LSM14B: variants seen among roughly 807,000 people sequenced by gnomAD.
LSM14B encodes the protein protein LSM14 homolog B.
LSM14B carries 8 observed loss-of-function variants against 42.1 expected under a neutral mutation model. The observed-to-expected ratio is 0.19, with a 90% CI of 0.11 to 0.34. The LOEUF (loss-of-function observed/expected upper bound fraction) is 0.34. LSM14B is among the 10% of genes least tolerant of loss of function. The pLI is 1.00. For synonymous variants in LSM14B, 219 were observed against 209.7 expected (o/e 1.04, Z -0.38); for missense variants, 396 against 513.1 (o/e 0.77, Z 2.21).
At chr20:62,127,845 T>A in intron 3 of LSM14B, 1 of 728,666 alleles carries the variant, frequency 1.4e-6, no homozygotes, top group South Asian at 1.5e-5. Flanking sequence ...TGCTTCAGCA[T>A]GTAGTCCTGA....
Position 62,122,571 on chromosome 20 carries a change from C to A in LSM14B, c.-96C>A. The A allele has an allele frequency of 1.1e-6, 1 of 895,384 alleles. No individual in the cohort carries two copies. 55.5% of individuals were successfully genotyped at this position (895,384 alleles called of 1,614,324 possible). A position where few individuals can be genotyped will look rare whatever the true frequency, so the allele number is the denominator to read the frequency against. On this transcript the variant is annotated 5_prime_UTR_variant, in exon 1 of 9. Coordinates refer to ENST00000279068, the MANE Select transcript of LSM14B (RefSeq NM_144703.3). The surrounding 1 kb of genome is among the most constrained non-coding windows in gnomAD (Gnocchi z 4.6). ...GCGGAGGCGGCGGCGGGCGGAGGAGCGCAGGAGCGGGCGGCCAGGCCACCG... is the reference window on the plus strand; with the variant it reads ...GCGGAGGCGGCGGCGGGCGGAGGAGAGCAGGAGCGGGCGGCCAGGCCACCG...
chr20:62,124,771 C>T lies in LSM14B; in HGVS notation c.282C>T (p.Ala94=). The T allele has an allele frequency of 6.2e-7, 1 of 1,612,660 alleles. No homozygotes were observed. Among genetic ancestry groups the T allele is most frequent in the Non-Finnish European group, 8.5e-7 (1 of 1,179,238 alleles). ...AGCACACACTCCCGCAGGATCCCGC[C>T]ATTGTTCAGGTAAGTGTGCCACTGT... The part of the protein sequence containing the change: ...KAQHTLPQDP[A]IVQSSLGSAS... Residue 94 remains alanine (A), a synonymous_variant, in exon 2 of 9, where the codon GCC becomes GCT. Transcript: ENST00000279068.
intron 3 of LSM14B, chr20:62,128,880 A>G (rs2056682178): frequency 9.0e-7 from 1 of 1,109,116 alleles, no homozygotes; most frequent in Non-Finnish European, 1.2e-6. Context: ...CCCAGTCTTC[A>G]TGTGTATTGG....
At chr20:62,127,343 C>G (rs749484507) in intron 3 of LSM14B, among the ~76,000 whole-genome samples, 3 of 152,212 alleles carry the variant, frequency 2.0e-5, no homozygotes, top group Non-Finnish European at 2.9e-5. Flanking sequence ...AGTAGTGAGA[C>G]AGGGAACCCT....
intron 1 of LSM14B, 110 bp from the exon 2 acceptor site, chr20:62,124,507 G>C: frequency 8.5e-7 from 1 of 1,176,174 alleles, no homozygotes; most frequent in Non-Finnish European, 1.2e-6. Context: ...GTGCTGTGTT[G>C]TGGCTCTGAG....
At chr20:62,132,669 GTC>G (rs2145641577) in intron 7 of LSM14B, among the ~76,000 whole-genome samples, 1 of 152,346 alleles carries the variant, frequency 6.6e-6, no homozygotes, top group African/African-American at 2.4e-5. Context: ...GAACACGGAA[GTC>G]TGTGGGAGCA....
chr20:62,124,567 A>G, intron 1 of LSM14B, 50 bp from the exon 2 acceptor site: 1 of 1,586,476 alleles, frequency 6.3e-7, no homozygotes, highest in Non-Finnish European at 8.6e-7. Context: ...GTCAGGGTTG[A>G]TTGAACTGGC....
Position 62,131,484 on chromosome 20 carries a change from A to G in LSM14B, c.964A>G (p.Ile322Val), listed in dbSNP as rs1456998899. 1 of 1,613,662 alleles carries G rather than the reference A, an allele frequency of 6.2e-7. No homozygotes were observed. Residue 322 changes from isoleucine to valine, a missense_variant, in exon 7 of 9, where the codon ATC (isoleucine) becomes GTC (valine). By Grantham distance (29) the Ile-to-Val change is conservative. Transcript: ENST00000279068. ...YDKSKSFFDN[I>V]SSELKTSSRR... ...CAAATCCAAGTCGTTCTTCGACAAC[A>G]TCTCTTCTGAACTCAAGACCAGGTG...
At chr20:62,131,633 G>A (rs963216820) in intron 7 of LSM14B, 127 bp downstream of exon 7, 53 of 1,202,936 alleles carry the variant, frequency 4.4e-5, no homozygotes, top group Middle Eastern at 2.2e-4. Flanking sequence ...TCCTGCTTGC[G>A]TTTCTGCATG....
In LSM14B at chr20:62,129,838, G is replaced by A; in HGVS notation, c.481G>A (p.Val161Met). 1 of 1,612,180 alleles carries A rather than the reference G, an allele frequency of 6.2e-7. No homozygotes were observed. The highest frequency in any genetic ancestry group is 8.5e-7 in the Non-Finnish European group (1 of 1,179,172). Reference sequence around the variant, plus strand: ...CAAGAGCCCCATGGTGGAGCAGGCTGTGCAGACTGGTTCTGCTGACAACCT... The same window carrying A: ...CAAGAGCCCCATGGTGGAGCAGGCTATGCAGACTGGTTCTGCTGACAACCT... ...VGKSPMVEQA[V>M]QTGSADNLNA... is the part of the protein sequence containing the mutation. The change falls in exon 4 of 9, where the codon GTG (valine) becomes ATG (methionine). Residue 161 changes from valine (V) to methionine (M), a missense_variant. Transcript: ENST00000279068.
In LSM14B at chr20:62,126,308, C is replaced by T. The variant is rs1358506729; in HGVS notation, c.296C>T (p.Ser99Phe). 6.2e-7 allele frequency: 1 copy of T among 1,613,958 alleles called. No homozygotes were observed. Reference sequence around the variant, plus strand: ...ACCCGATGTCTCGTTGTTCAGTCTTCCCTGGGTTCTGCCTCCGCCTCGCCC... The same window carrying T: ...ACCCGATGTCTCGTTGTTCAGTCTTTCCTGGGTTCTGCCTCCGCCTCGCCC... ...LPQDPAIVQS[S>F]LGSASASPFQ... The change falls in exon 3 of 9, where the codon TCC (serine) becomes TTC (phenylalanine). Residue 99 changes from serine to phenylalanine, a missense_variant. This residue lies in a region of LSM14B where 274 missense variants were observed against 335.8 expected (regional missense o/e 0.82). Coordinates refer to ENST00000279068, the MANE Select transcript of LSM14B (RefSeq NM_144703.3).
At position 62,122,704 on chromosome 20, in the gene LSM14B, AG is replaced by A; in HGVS notation, c.39del (p.Ile14SerfsTer30). 1 of 1,509,142 alleles carries A rather than the reference AG, an allele frequency of 6.6e-7. No homozygotes were observed. Among genetic ancestry groups the A allele is most frequent in the Non-Finnish European group, 8.9e-7 (1 of 1,122,174 alleles). 93.5% of individuals were successfully genotyped at this position (1,509,142 alleles called of 1,614,324 possible). On this transcript the variant is annotated frameshift_variant, in exon 1 of 9. Coordinates refer to ENST00000279068, the MANE Select transcript of LSM14B (RefSeq NM_144703.3). LOFTEE classifies it high-confidence loss of function. This position sits in a 1 kb window ranked among gnomAD's most constrained non-coding sequence, Gnocchi z 4.6. Reference sequence around the variant, plus strand: ...TCAGGCACCCCGTATCTGGGCAGCAAGATCAGCCTCATCTCCAAGGCGCAGA... The same window carrying A: ...TCAGGCACCCCGTATCTGGGCAGCAAATCAGCCTCATCTCCAAGGCGCAGA... ...GSSGTPYLGS[K>X]ISLISKAQIR...
chr20:62,133,442 C>A lies in LSM14B; in HGVS notation c.1139C>A (p.Ala380Asp). 2 of 1,612,860 alleles carry A rather than the reference C, an allele frequency of 1.2e-6. No individual in the cohort carries two copies. The highest frequency in any genetic ancestry group is 2.2e-5 in the South Asian group (2 of 91,062). Residue 380 changes from alanine to aspartate, a missense_variant, in exon 8 of 9, where the codon GCC (alanine) becomes GAC (aspartate). Ala to Asp is a moderately radical substitution (Grantham distance 126). Transcript: ENST00000279068. ...CGTCGCAACCCCACTTCCCACAGGGCCGGGACTGGCAGGGTGTGAGGGTGC... is the reference window on the plus strand; with the variant it reads ...CGTCGCAACCCCACTTCCCACAGGGACGGGACTGGCAGGGTGTGAGGGTGC... ...TTRRNPTSHR[A>D]GTGRV
intron 3 of LSM14B, among the ~76,000 whole-genome samples, chr20:62,127,021 G>T (rs2056627912): frequency 3.3e-5 from 5 of 152,148 alleles, no homozygotes; most frequent in African/African-American, 1.2e-4. Context: ...TGGAAGTCCT[G>T]GTATATCTGC....
chr20:62,134,448 G>T lies in LSM14B; in HGVS notation c.*300G>T. ...GGTATTTTGCAAAAAGGTTTCTATAGTGAAAGCTGAATCCTTACTTTGTGA... is the reference window on the plus strand; with the variant it reads ...GGTATTTTGCAAAAAGGTTTCTATATTGAAAGCTGAATCCTTACTTTGTGA... On this transcript the variant is annotated 3_prime_UTR_variant, in exon 9 of 9. Coordinates refer to ENST00000279068, the MANE Select transcript of LSM14B (RefSeq NM_144703.3). 3 of 279,560 alleles carry T rather than the reference G, an allele frequency of 1.1e-5. No individual in the cohort carries two copies. The highest frequency in any genetic ancestry group is 3.1e-5 in the South Asian group (1 of 32,496). 17.3% of individuals were successfully genotyped at this position (279,560 alleles called of 1,614,324 possible).
intron 3 of LSM14B, chr20:62,127,676 A>C: frequency 6.4e-7 from 1 of 1,550,984 alleles, no homozygotes; most frequent in Non-Finnish European, 8.7e-7. Flanking sequence ...ACTTGTCCTC[A>C]GAGCCACAGC....
At chr20:62,131,328 T>C (rs200729457) in intron 6 of LSM14B, 28 bp from the exon 7 acceptor site, 2 of 1,564,740 alleles carry the variant, frequency 1.3e-6, no homozygotes, top group Non-Finnish European at 1.7e-6. Context: ...CCCTCCTCCA[T>C]CTCCACGTGT....
chr20:62,122,761 AC>A lies in LSM14B; in HGVS notation c.96del (p.Asp32GlufsTer12). 1 of 1,513,848 alleles carries A rather than the reference AC, an allele frequency of 6.6e-7. No individual in the cohort carries two copies. Among genetic ancestry groups the A allele is most frequent in the Non-Finnish European group, 8.9e-7 (1 of 1,126,118 alleles). The allele number at this position is 1,513,848 out of a possible 1,614,324, so 93.8% of individuals were successfully genotyped here. A position where few individuals can be genotyped will look rare whatever the true frequency, so the allele number is the denominator to read the frequency against. ...TACGAGGGCATTCTCTACACCATCG[AC>A]ACCGACAACTCCACCGTGGCGCTCG... ...IRYEGILYTI[D>X]TDNSTVALAK... On this transcript the variant is annotated frameshift_variant, in exon 1 of 9. Transcript: ENST00000279068. LOFTEE classifies it high-confidence loss of function. This position sits in a 1 kb window ranked among gnomAD's most constrained non-coding sequence, Gnocchi z 4.6.
Position 62,128,076 on chromosome 20 carries a change from T to C in LSM14B, c.427+1637T>C, listed in dbSNP as rs76368651. The C allele has an allele frequency of 3.9e-3, 2,028 of 522,746 alleles. 33 individuals carry two copies. Among genetic ancestry groups the C allele is most frequent in the African/African-American group, 0.033 (1,756 of 52,580 alleles). 32.4% of individuals were successfully genotyped at this position (522,746 alleles called of 1,614,324 possible). A position where few individuals can be genotyped will look rare whatever the true frequency, so the allele number is the denominator to read the frequency against. On this transcript the variant is annotated intron_variant, in intron 3 of 8. Coordinates refer to ENST00000279068, the MANE Select transcript of LSM14B (RefSeq NM_144703.3). ...CCCCAAAGCACCTGACATGCCTGTT[T>C]TGCTCTTTGATCCGTGTGGTTCATA...
Sources: allele counts gnomAD v4.1 joint callset (sites outside exome capture counted in the v4.1 genomes callset), GRCh38; gene constraint gnomAD v4.1.1; regional missense constraint gnomAD v4.1.1; non-coding constraint Gnocchi (gnomAD v3.1); transcripts MANE v1.5; gene names NCBI Gene and HGNC (gene_info 2026-07-23, HGNC 2026-07-21).